CRY1: variants seen among roughly 807,000 people sequenced by gnomAD.
CRY1 encodes the protein cryptochrome circadian regulator 1.
Under a neutral mutation model 76.0 loss-of-function variants are expected in CRY1, and 45 were observed. The ratio of observed to expected loss-of-function variants is 0.59; its 90% CI spans 0.47 to 0.76. CRY1 has a LOEUF of 0.76. CRY1 is among the 30% of genes least tolerant of loss of function. The probability of loss-of-function intolerance (pLI) is 0.00; values close to 1 mark genes in which losing one functional copy is unlikely to be tolerated. For synonymous variants in CRY1, 248 were observed against 244.0 expected (o/e 1.02, Z -0.15); for missense variants, 587 against 716.4 (o/e 0.82, Z 2.06).
intron 2 of CRY1, among the ~76,000 whole-genome samples, chr12:107,009,562 ACATAT>A (rs1229901744): frequency 3.8e-5 from 2 of 52,980 alleles, no homozygotes; most frequent in Non-Finnish European, 6.5e-5. Context: ...AAACAAAAAA[ACATAT>A]ATATATATAT....
At chr12:107,077,277 G>C (rs1337265474) in intron 1 of CRY1, among the ~76,000 whole-genome samples, 1 of 152,152 alleles carries the variant, frequency 6.6e-6, no homozygotes, top group Non-Finnish European at 1.5e-5. Flanking sequence ...TTTCCACAGA[G>C]GTCCTTTTTA....
chr12:107,052,143 A>C (rs911740169), intron 1 of CRY1, among the ~76,000 whole-genome samples: 3 of 151,824 alleles, frequency 2.0e-5, no homozygotes, highest in African/African-American at 7.2e-5. Flanking sequence ...AAAGACAAGA[A>C]AAAGAAAATC....
rs1952185452 is a variant in CRY1 at position 106,992,014 on chromosome 12, G to A, written c.*1-13C>T. On this transcript the variant is annotated splice_polypyrimidine_tract_variant and intron_variant, in intron 12 of 12. Transcript: ENST00000008527. Reference sequence around the variant, plus strand: ...TCCTGAATGTTTTCTGTGATTTAAGGGGGAAAAAAAAACTAGGTAAAGCTT... The same window carrying A: ...TCCTGAATGTTTTCTGTGATTTAAGAGGGAAAAAAAAACTAGGTAAAGCTT... 1.3e-5 allele frequency: 2 copies of A among 151,786 alleles called. No individual in the cohort carries two copies. 9.4% of individuals were successfully genotyped at this position (151,786 alleles called of 1,614,324 possible). A position where few individuals can be genotyped will look rare whatever the true frequency, so the allele number is the denominator to read the frequency against.
Position 106,999,716 on chromosome 12 carries a change from A to G in CRY1, c.972T>C (p.Pro324=). The G allele has an allele frequency of 6.2e-7, 1 of 1,614,266 alleles. No individual in the cohort carries two copies. Among genetic ancestry groups the G allele is most frequent in the Non-Finnish European group, 8.5e-7 (1 of 1,180,042 alleles). Residue 324 remains proline (P), a synonymous_variant, in exon 7 of 13, where the codon CCT becomes CCC. Transcript: ENST00000008527. ...CTTCCGCCCATTTGGCTAAAGCCTC[A>G]GGATTTTTATCCCAAGGAATCTGAA... ...ICVQIPWDKN[P]EALAKWAEGR... is the part of the protein sequence containing the mutation.
chr12:107,002,849 G>A (rs1952327043), intron 3 of CRY1, among the ~76,000 whole-genome samples: 1 of 152,168 alleles, frequency 6.6e-6, no homozygotes, highest in Non-Finnish European at 1.5e-5. Flanking sequence ...AAAAGGGGGA[G>A]TTACCCTGCA....
At chr12:107,085,741 TG>T (rs1437102062) in intron 1 of CRY1, among the ~76,000 whole-genome samples, 2 of 152,064 alleles carry the variant, frequency 1.3e-5, no homozygotes, top group African/African-American at 4.8e-5. Context: ...GACAGGTTGA[TG>T]GGTGCAGCAA....
intron 1 of CRY1, among the ~76,000 whole-genome samples, chr12:107,036,939 C>G (rs1952740083): frequency 6.6e-6 from 1 of 152,108 alleles, no homozygotes; most frequent in African/African-American, 2.4e-5. Context: ...TCCTGAGCCC[C>G]CTTCCTTGCT....
intron 1 of CRY1, among the ~76,000 whole-genome samples, chr12:107,078,520 G>C (rs1432419835): frequency 6.6e-6 from 1 of 152,060 alleles, no homozygotes; most frequent in African/African-American, 2.4e-5. Flanking sequence ...AGTATTCGCT[G>C]AGTTTTTTCA....
intron 1 of CRY1, among the ~76,000 whole-genome samples, chr12:107,055,579 T>G (rs1952973320): frequency 6.6e-6 from 1 of 151,976 alleles, no homozygotes; most frequent in Non-Finnish European, 1.5e-5. Context: ...GAAATAAAAT[T>G]AACACATTCT....
intron 1 of CRY1, among the ~76,000 whole-genome samples, chr12:107,070,832 C>T (rs1397286736): frequency 3.3e-5 from 5 of 150,646 alleles, no homozygotes; most frequent in Non-Finnish European, 7.4e-5. Context: ...TCCTGAGTAG[C>T]TGGGACTACA....
rs529336351 is a variant in CRY1, at chr12:107,066,913, C to G, written c.158+25891G>C. ...CTCACATGCTCAAGTGATCCTCCCACCTCAGCTTCCTGAGTAGCTGCGACT... is the reference window on the plus strand; with the variant it reads ...CTCACATGCTCAAGTGATCCTCCCAGCTCAGCTTCCTGAGTAGCTGCGACT... On this transcript the variant is annotated intron_variant, in intron 1 of 12. Transcript: ENST00000008527. Among the ~76,000 whole-genome samples the G allele has an allele frequency of 4.7e-4, 72 of 152,198 alleles. No homozygotes were observed. In the South Asian group the frequency reaches 7.3e-3, roughly 15 times the overall value.
intron 1 of CRY1, among the ~76,000 whole-genome samples, chr12:107,075,997 G>T (rs1018188126): frequency 1.3e-5 from 2 of 152,068 alleles, no homozygotes; most frequent in African/African-American, 2.4e-5. Context: ...AGGTAGAGGA[G>T]ATGGAGACAA....
In CRY1 at chr12:107,038,284, C is replaced by T. The variant is rs190778188; in HGVS notation, c.159-16092G>A. Among the ~76,000 whole-genome samples the T allele has an allele frequency of 1.1e-3, 166 of 152,150 alleles. 1 individual carries two copies. The highest frequency in any genetic ancestry group is 3.7e-3 in the African/African-American group (155 of 41,524). On this transcript the variant is annotated intron_variant, in intron 1 of 12. Transcript: ENST00000008527. ...GATATAAAACTGGAAATCATCAGCA[C>T]ATTTGTAGTAGTCTTAAGACTAGAT...
chr12:107,009,708 A>G (rs982702454), intron 2 of CRY1, among the ~76,000 whole-genome samples: 5 of 150,656 alleles, frequency 3.3e-5, no homozygotes, highest in South Asian at 2.1e-4. Flanking sequence ...CAGGAGTTCG[A>G]GCTCAGCCTA....
chr12:107,042,770 C>T (rs546252802), intron 1 of CRY1, among the ~76,000 whole-genome samples: 3 of 152,204 alleles, frequency 2.0e-5, no homozygotes, highest in South Asian at 4.2e-4. Flanking sequence ...GATGGCCACA[C>T]GGAGAATGGA....
intron 1 of CRY1, among the ~76,000 whole-genome samples, chr12:107,055,720 A>G (rs1348395692): frequency 6.6e-6 from 1 of 152,094 alleles, no homozygotes; most frequent in East Asian, 1.9e-4. Context: ...AATATCAAAA[A>G]TGAAAAGGTT....
intron 1 of CRY1, among the ~76,000 whole-genome samples, chr12:107,089,262 AG>A (rs1364700725): frequency 6.6e-6 from 1 of 152,224 alleles, no homozygotes; most frequent in African/African-American, 2.4e-5. Context: ...ATTTTCATAA[AG>A]CTTGTAAATT....
intron 2 of CRY1, among the ~76,000 whole-genome samples, chr12:107,009,707 G>C (rs1254272603): frequency 6.7e-6 from 1 of 150,288 alleles, no homozygotes; most frequent in Non-Finnish European, 1.5e-5. Flanking sequence ...ACAGGAGTTC[G>C]AGCTCAGCCT....
chr12:107,092,352 G>A (rs1050621610), intron 1 of CRY1, among the ~76,000 whole-genome samples: 17 of 152,202 alleles, frequency 1.1e-4, no homozygotes, highest in African/African-American at 4.1e-4. Context: ...CAAGGTGGAA[G>A]AACACTGGAT....
Sources: allele counts gnomAD v4.1 joint callset (sites outside exome capture counted in the v4.1 genomes callset), GRCh38; gene constraint gnomAD v4.1.1; transcripts MANE v1.5; gene names NCBI Gene and HGNC (gene_info 2026-07-23, HGNC 2026-07-21).